The following MMP16 variants were observed in gnomAD, a reference collection of about 807,000 sequenced individuals.
MMP16 encodes matrix metallopeptidase 16.
MMP16 carries 12 observed loss-of-function variants against 67.8 expected under a neutral mutation model. That is an observed-to-expected ratio of 0.18 (90% CI 0.11 to 0.29). MMP16 has a LOEUF of 0.29. Ranked by LOEUF, MMP16 falls within the 10% of genes least tolerant of loss-of-function variation. MMP16 has a pLI of 1.00. For synonymous variants in MMP16, 249 were observed against 255.9 expected (o/e 0.97, Z 0.26); for missense variants, 475 against 765.7 (o/e 0.62, Z 4.48).
rs1181510508 is a variant in MMP16, at chr8:88,193,409, T to C, written c.281+3749A>G. Among the ~76,000 whole-genome samples, 17 of 152,052 alleles carry C rather than the reference T, an allele frequency of 1.1e-4. No individual in the cohort carries two copies. The East Asian group carries it at 2.9e-3, about 26-fold the overall frequency. On this transcript the variant is annotated intron_variant, in intron 2 of 9. Coordinates refer to ENST00000286614, the MANE Select transcript of MMP16 (RefSeq NM_005941.5). The stretch of plus-strand genomic sequence containing the variant: ...TTCATGGAGACAGAGACTAGAATTA[T>C]CTAGAATTATGGTTACTAGAGGCTG...
chr8:88,043,493 G>A (rs775135833), intron 9 of MMP16, among the ~76,000 whole-genome samples: 1 of 152,100 alleles, frequency 6.6e-6, no homozygotes, highest in African/African-American at 2.4e-5. Flanking sequence ...ATGTTGGTCA[G>A]GCTAGTCTCA....
intron 4 of MMP16, among the ~76,000 whole-genome samples, chr8:88,150,818 C>G (rs199600999): frequency 6.6e-6 from 1 of 150,542 alleles, no homozygotes; most frequent in East Asian, 2.0e-4. Flanking sequence ...CGAGCAAAAT[C>G]ACCAGCTAAC....
At chr8:88,277,999 A>C (rs760656759) in intron 1 of MMP16, among the ~76,000 whole-genome samples, 6 of 152,224 alleles carry the variant, frequency 3.9e-5, no homozygotes, top group Non-Finnish European at 7.3e-5. Flanking sequence ...ATCTTCGATG[A>C]GTAAGGCTCT....
In MMP16 at chr8:88,201,144, C is replaced by CAAA. The variant is rs71277984; in HGVS notation, c.133-3841_133-3839dup. Among the ~76,000 whole-genome samples the CAAA allele has an allele frequency of 9.4e-3, 1,030 of 109,162 alleles. 8 individuals carry two copies. The highest frequency in any genetic ancestry group is 0.015 in the Non-Finnish European group (783 of 51,444). 71.6% of individuals were successfully genotyped at this position (109,162 alleles called of 152,430 possible). A position where few individuals can be genotyped will look rare whatever the true frequency, so the allele number is the denominator to read the frequency against. Reference sequence around the variant, plus strand: ...TAATTGCAGACATCCTTTCCCCCCCCAAAAAAAAAAAAAAAAAAAAAAAAT... The same window carrying CAAA: ...TAATTGCAGACATCCTTTCCCCCCCCAAAAAAAAAAAAAAAAAAAAAAAAAAAT... On this transcript the variant is annotated intron_variant, in intron 1 of 9. Transcript: ENST00000286614.
At chr8:88,099,043 G>C (rs953151801) in intron 6 of MMP16, among the ~76,000 whole-genome samples, 5 of 151,608 alleles carry the variant, frequency 3.3e-5, no homozygotes, top group African/African-American at 1.2e-4. Context: ...GTTGAAATAA[G>C]TGATATATGT....
intron 2 of MMP16, among the ~76,000 whole-genome samples, 177 bp downstream of exon 2, chr8:88,196,981 C>T (rs1457699683): frequency 6.6e-6 from 1 of 152,052 alleles, no homozygotes; most frequent in Non-Finnish European, 1.5e-5. Flanking sequence ...TGACATTGGG[C>T]CTTAAATATC....
intron 1 of MMP16, among the ~76,000 whole-genome samples, chr8:88,204,564 A>G (rs563687752): frequency 6.6e-6 from 1 of 152,120 alleles, no homozygotes; most frequent in Non-Finnish European, 1.5e-5. Flanking sequence ...AATAAAAAAT[A>G]AAAATTATTT....
At position 88,038,478 on chromosome 8, in the gene MMP16, A is replaced by G. The variant is rs1459382149; in HGVS notation, c.*2983T>C. On this transcript the variant is annotated 3_prime_UTR_variant, in exon 10 of 10. Coordinates refer to ENST00000286614, the MANE Select transcript of MMP16 (RefSeq NM_005941.5). This position sits in a 1 kb window ranked among gnomAD's most constrained non-coding sequence, Gnocchi z 4.1. ...AGGATATTGTGATGAATGAGTAAAG[A>G]GGCAACAGATTGCTTATTCAGTTTC... The G allele has an allele frequency of 2.0e-5, 3 of 152,522 alleles. No homozygotes were observed. Among genetic ancestry groups the G allele is most frequent in the Non-Finnish European group, 4.4e-5 (3 of 67,966 alleles). 9.4% of individuals were successfully genotyped at this position (152,522 alleles called of 1,614,324 possible).
intron 6 of MMP16, among the ~76,000 whole-genome samples, chr8:88,081,450 C>G (rs1254735986): frequency 6.6e-6 from 1 of 152,072 alleles, no homozygotes; most frequent in Non-Finnish European, 1.5e-5. Context: ...ATAATTACTG[C>G]ACTTATTGAA....
At position 88,280,552 on chromosome 8, in the gene MMP16, C is replaced by G. The variant is rs192047051; in HGVS notation, c.132+46523G>C. Among the ~76,000 whole-genome samples, 385 of 152,294 alleles carry G rather than the reference C, an allele frequency of 2.5e-3. 3 individuals are homozygous for G. Among genetic ancestry groups the G allele is most frequent in the Non-Finnish European group, 2.6e-3 (178 of 68,020 alleles). Reference sequence around the variant, plus strand: ...TATTTCATTTAATTATATACACAGACAGATGACAGGTAAATAGAAATTATT... The same window carrying G: ...TATTTCATTTAATTATATACACAGAGAGATGACAGGTAAATAGAAATTATT... On this transcript the variant is annotated intron_variant, in intron 1 of 9. Transcript: ENST00000286614.
At chr8:88,250,754 C>T (rs931494168) in intron 1 of MMP16, among the ~76,000 whole-genome samples, 1 of 150,628 alleles carries the variant, frequency 6.6e-6, no homozygotes, top group African/African-American at 2.4e-5. Flanking sequence ...CTTCCTAATC[C>T]TCTAGTCTTT....
intron 4 of MMP16, among the ~76,000 whole-genome samples, chr8:88,145,161 A>G (rs1371812796): frequency 6.6e-6 from 1 of 151,998 alleles, no homozygotes; most frequent in Non-Finnish European, 1.5e-5. Context: ...CATTGTCCCA[A>G]CATTAAAGTG....
intron 9 of MMP16, among the ~76,000 whole-genome samples, chr8:88,042,143 T>TA (rs1486207877): frequency 6.6e-6 from 1 of 152,168 alleles, no homozygotes; most frequent in East Asian, 1.9e-4. Flanking sequence ...CAAAATTACA[T>TA]ATTAGTGTGA....
At chr8:88,232,330 C>T (rs751993476) in intron 1 of MMP16, among the ~76,000 whole-genome samples, 9 of 152,064 alleles carry the variant, frequency 5.9e-5, no homozygotes, top group Non-Finnish European at 8.8e-5. Flanking sequence ...AGCAATCTCC[C>T]AACGGGTCAG....
At chr8:88,164,760 C>G (rs998680146) in intron 4 of MMP16, among the ~76,000 whole-genome samples, 4 of 151,714 alleles carry the variant, frequency 2.6e-5, no homozygotes, top group African/African-American at 7.3e-5. Context: ...TTCGTCTATG[C>G]GTAAAGAATG....
intron 3 of MMP16, among the ~76,000 whole-genome samples, chr8:88,174,170 A>G (rs1019711842): frequency 3.9e-5 from 6 of 152,216 alleles, no homozygotes; most frequent in African/African-American, 1.4e-4. Flanking sequence ...TAAAGGATTA[A>G]TATACTGGAA....
chr8:88,154,217 A>G (rs1350028719), intron 4 of MMP16, among the ~76,000 whole-genome samples: 3 of 122,924 alleles, frequency 2.4e-5, no homozygotes, highest in Non-Finnish European at 5.1e-5. Context: ...TCAGGAAACA[A>G]CAGGTGCTGG....
intron 1 of MMP16, among the ~76,000 whole-genome samples, chr8:88,230,541 T>C (rs397891964): frequency 0.18 from 26,737 of 151,052 alleles, 2,503 homozygotes; most frequent in South Asian, 0.2. Flanking sequence ...TTTTCTTTTT[T>C]TTTTTTTTTT....
At chr8:88,163,594 G>C (rs1018479964) in intron 4 of MMP16, among the ~76,000 whole-genome samples, 2 of 151,952 alleles carry the variant, frequency 1.3e-5, no homozygotes, top group African/African-American at 4.8e-5. Flanking sequence ...TTTGCTTGGA[G>C]TATCCGTTTA....
Sources: gnomAD v4.1 joint callset for allele counts (sites outside exome capture counted in the v4.1 genomes callset) on GRCh38, gnomAD v4.1.1 for gene constraint, Gnocchi (gnomAD v3.1) non-coding constraint, MANE v1.5 for transcripts, NCBI Gene and HGNC (gene_info 2026-07-23, HGNC 2026-07-21) for gene names.